The following DHX8 variants were observed in gnomAD, a reference collection of about 807,000 sequenced individuals.
The protein encoded by DHX8 is DEAH-box helicase 8.
DHX8 carries 67 observed loss-of-function variants against 140.7 expected under a neutral mutation model. The observed-to-expected ratio is 0.48, with a 90% CI of 0.39 to 0.58. DHX8 has a LOEUF of 0.58. Ranked by LOEUF, DHX8 falls within the 20% of genes least tolerant of loss-of-function variation. DHX8 has a pLI of 0.00. For missense variants in DHX8, 887 were observed against 1,550.7 expected, an observed-to-expected ratio of 0.57 and a Z score of 7.19; for synonymous variants, 533 against 553.2, an observed-to-expected ratio of 0.96 and a Z score of 0.51.
In DHX8 at chr17:43,496,341, T is replaced by C. The variant is rs1968856286; in HGVS notation, c.1300+73T>C. The C allele has an allele frequency of 3.9e-6, 4 of 1,012,726 alleles. No individual in the cohort carries two copies. The East Asian group carries it at 9.7e-5, about 24-fold the overall frequency. The allele number at this position is 1,012,726 out of a possible 1,614,324, so 62.7% of individuals were successfully genotyped here. ...TGAATTGGGTGATTTGCCTGTAGTT[T>C]AACCCAGTGGCTATTAATCATTTGT... On this transcript the variant is annotated intron_variant, in intron 9 of 22. Coordinates refer to ENST00000262415, the MANE Select transcript of DHX8 (RefSeq NM_004941.3).
At chr17:43,506,772 T>C (rs1340886068) in intron 12 of DHX8, among the ~76,000 whole-genome samples, 7 of 152,140 alleles carry the variant, frequency 4.6e-5, no homozygotes, top group East Asian at 1.9e-4. Context: ...GGGAAAGATA[T>C]AGAAATTTGG....
At chr17:43,542,949 A>G (rs903310450) in intron 3 of DHX8, among the ~76,000 whole-genome samples, 2 of 152,116 alleles carry the variant, frequency 1.3e-5, no homozygotes, top group Admixed American at 6.5e-5. Flanking sequence ...AAAGCTCCCC[A>G]TGGGTTGCCG....
intron 19 of DHX8, 36 bp downstream of exon 19, chr17:43,520,303 A>G: frequency 1.9e-6 from 3 of 1,607,480 alleles, no homozygotes; most frequent in Non-Finnish European, 2.6e-6. Flanking sequence ...GCTTTTGGGA[A>G]GATTCCCTGG....
Position 43,493,457 on chromosome 17 carries a change from A to G in DHX8, c.876A>G (p.Glu292=). 6.2e-7 allele frequency: 1 copy of G among 1,614,102 alleles called. No homozygotes were observed. The change falls in exon 7 of 23, where the codon GAA becomes GAG. Residue 292 remains glutamate (E), a synonymous_variant. Transcript: ENST00000262415. ...VQLEGLRKRW[E]GLVHISELRR... ...GGCTCTCCCTCAGGAAGCGGTGGGA[A>G]GGCCTGGTGCACATCTCTGAGCTCC...
At chr17:43,508,148 C>A in intron 15 of DHX8, 129 bp downstream of exon 15, 1 of 1,147,360 alleles carries the variant, frequency 8.7e-7, no homozygotes, top group Non-Finnish European at 1.2e-6. Context: ...TCTCTGCAAG[C>A]CTCAGGCTTG....
At position 43,517,484 on chromosome 17, in the gene DHX8, C is replaced by G; in HGVS notation, c.2799+162C>G. 5.0e-6 allele frequency: 4 copies of G among 792,612 alleles called. No individual in the cohort carries two copies. The South Asian group carries it at 7.8e-5, about 15-fold the overall frequency. 49.1% of individuals were successfully genotyped at this position (792,612 alleles called of 1,614,324 possible). ...TGGCTGTGATAACAGCCTCTCACGG[C>G]AGGTCTGGGGCTAAGTTGGCATGTC... On this transcript the variant is annotated intron_variant, in intron 18 of 22. Coordinates refer to ENST00000262415, the MANE Select transcript of DHX8 (RefSeq NM_004941.3).
chr17:43,490,645 G>A (rs572907871), intron 3 of DHX8, among the ~76,000 whole-genome samples, 182 bp downstream of exon 3: 2 of 152,264 alleles, frequency 1.3e-5, no homozygotes, highest in African/African-American at 4.8e-5. Context: ...GGCCAAGGTG[G>A]GAGTATCACT....
chr17:43,496,405 A>G (rs1414882304), intron 9 of DHX8, 137 bp downstream of exon 9: 2 of 611,354 alleles, frequency 3.3e-6, no homozygotes, highest in Admixed American at 6.4e-5. Context: ...AAAAAAAAGG[A>G]TCTCACCATG....
intron 16 of DHX8, among the ~76,000 whole-genome samples, chr17:43,509,604 C>T (rs1215927825): frequency 2.0e-5 from 3 of 151,986 alleles, no homozygotes; most frequent in Non-Finnish European, 2.9e-5. Flanking sequence ...CTGCCTCAGC[C>T]GCCTAAGCAG....
At chr17:43,539,727 C>CT (rs1031468788) in intron 3 of DHX8, among the ~76,000 whole-genome samples, 2 of 152,206 alleles carry the variant, frequency 1.3e-5, no homozygotes, top group African/African-American at 4.8e-5. Flanking sequence ...TCCCTGCAGG[C>CT]TCCCCCTCTC....
chr17:43,496,110 C>T (rs916013525), intron 8 of DHX8, 71 bp from the exon 9 acceptor site: 3 of 1,285,766 alleles, frequency 2.3e-6, no homozygotes, highest in Non-Finnish European at 2.2e-6. Flanking sequence ...AAAAACAAAA[C>T]AAAACCAAAA....
chr17:43,497,968 G>C (rs1389459858), intron 9 of DHX8, among the ~76,000 whole-genome samples: 2 of 152,136 alleles, frequency 1.3e-5, no homozygotes, highest in Admixed American at 6.6e-5. Context: ...AAATGCCCTA[G>C]TACCATTTAG....
chr17:43,523,087 A>AG (rs1970464525), intron 22 of DHX8, among the ~76,000 whole-genome samples: 12 of 152,122 alleles, frequency 7.9e-5, no homozygotes, highest in Admixed American at 7.2e-4. Flanking sequence ...AAAGAAAGAA[A>AG]AAAACAACTA....
chr17:43,517,714 CTT>C (rs1484859748), intron 18 of DHX8: 2 of 160,558 alleles, frequency 1.2e-5, no homozygotes, highest in African/African-American at 4.8e-5. Flanking sequence ...TGTTCAAAAA[CTT>C]TGCAAGGGAA....
At chr17:43,522,375 A>C in intron 22 of DHX8, 149 bp downstream of exon 22, 1 of 740,824 alleles carries the variant, frequency 1.3e-6, no homozygotes, top group Non-Finnish European at 2.2e-6. Flanking sequence ...AACCTGAATT[A>C]GGCACAATGT....
intron 3 of DHX8, among the ~76,000 whole-genome samples, chr17:43,539,630 G>A (rs1971418286): frequency 6.6e-6 from 1 of 152,174 alleles, no homozygotes; most frequent in Non-Finnish European, 1.5e-5. Context: ...GAATAAACAT[G>A]CAATAATCGT....
intron 1 of DHX8, among the ~76,000 whole-genome samples, chr17:43,486,183 CTT>C (rs1660100450): frequency 7.0e-6 from 1 of 142,954 alleles, no homozygotes; most frequent in Non-Finnish European, 1.5e-5. Context: ...AAGAGCAAGA[CTT>C]TATTTCAAAA....
At chr17:43,514,244 C>G (rs1970001823) in intron 17 of DHX8, among the ~76,000 whole-genome samples, 2 of 152,050 alleles carry the variant, frequency 1.3e-5, no homozygotes, top group South Asian at 4.1e-4. Flanking sequence ...GCTTAAGAGT[C>G]TGAGGTGGGA....
In DHX8 at chr17:43,500,075, C is replaced by T. The variant is rs768503541; in HGVS notation, c.1518C>T (p.Asn506=). ...TGGATTCTATTCCCATGGGACTCAA[C>T]AAACACTGGGTTGACCCTCTGCCTG... ...AEMDSIPMGL[N]KHWVDPLPDA... is the part of the protein sequence containing the mutation. Residue 506 remains asparagine, a synonymous_variant, in exon 11 of 23, where the codon AAC becomes AAT. Transcript: ENST00000262415. The T allele has an allele frequency of 3.7e-6, 6 of 1,614,164 alleles. No individual in the cohort carries two copies. Among genetic ancestry groups the T allele is most frequent in the South Asian group, 1.1e-5 (1 of 91,082 alleles).
Sources: gnomAD v4.1 joint callset for allele counts (sites outside exome capture counted in the v4.1 genomes callset) on GRCh38, gnomAD v4.1.1 for gene constraint, MANE v1.5 for transcripts, NCBI Gene and HGNC (gene_info 2026-07-23, HGNC 2026-07-21) for gene names.